The following FCN2 variants were observed in gnomAD, a reference collection of about 807,000 sequenced individuals.
FCN2 encodes ficolin 2, also known as ficolin-2.
A neutral mutation model predicts 32.5 loss-of-function variants in FCN2; 31 were observed. That is an observed-to-expected ratio of 0.96 (90% CI 0.72 to 1.29). The LOEUF is 1.29. Among genes scored for constraint, FCN2 ranks in the 50% most tolerant of loss-of-function variants. The probability of loss-of-function intolerance (pLI) is 0.00; values close to 1 mark genes in which losing one functional copy is unlikely to be tolerated. For missense variants in FCN2, 412 were observed against 406.5 expected, an observed-to-expected ratio of 1.01 and a Z score of -0.12; for synonymous variants, 181 against 164.5, an observed-to-expected ratio of 1.10 and a Z score of -0.77.
chr9:134,871,497 C>T, the FCN2 span, among the ~76,000 whole-genome samples: 1 of 152,358 alleles, frequency 6.6e-6, no homozygotes, highest in East Asian at 1.9e-4. Flanking sequence ...GTGCTCACTC[C>T]CCTGTGACCG....
In FCN2 at chr9:134,887,294, A is replaced by G. The variant is rs1313308185; in HGVS notation, c.821A>G (p.Asn274Ser). 1 of 1,614,192 alleles carries G rather than the reference A, an allele frequency of 6.2e-7. No individual in the cohort carries two copies. Among genetic ancestry groups the G allele is most frequent in the Admixed American group, 1.7e-5 (1 of 60,026 alleles). Reference protein sequence around the residue: ...AWWYKNCHVSNLNGRYLRGTH... With the variant: ...AWWYKNCHVSSLNGRYLRGTH... Reference sequence around the variant, plus strand: ...TGGTACAAAAACTGCCATGTGTCAAACCTGAATGGTCGCTACCTCAGGGGG... The same window carrying G: ...TGGTACAAAAACTGCCATGTGTCAAGCCTGAATGGTCGCTACCTCAGGGGG... Residue 274 changes from asparagine to serine, a missense_variant, in exon 8 of 8, where the codon AAC (asparagine) becomes AGC (serine). Physicochemically the swap from Asn to Ser is conservative, Grantham distance 46. Coordinates refer to ENST00000291744, the MANE Select transcript of FCN2 (RefSeq NM_004108.3).
the FCN2 span, among the ~76,000 whole-genome samples, chr9:134,875,792 T>C: frequency 6.6e-6 from 1 of 152,230 alleles, no homozygotes; most frequent in African/African-American, 2.4e-5. Context: ...CGGATGAGAC[T>C]ATAGCCCTGT....
rs144290442 is a variant in FCN2 at position 134,883,312 on chromosome 9, C to T, written c.225C>T (p.Gly75=). ...AGTNGKRGER[G]PPGPPGKAGP... is the part of the protein sequence containing the mutation. ...CTTTGGAAATTGCAGGAGAACGTGG[C>T]CCCCCTGGACCTCCTGGGAAGGCAG... is the stretch of plus-strand genomic sequence containing the variant. Residue 75 remains glycine (G), a synonymous_variant, in exon 3 of 8, where the codon GGC becomes GGT. Transcript: ENST00000291744. 9.8e-5 allele frequency: 158 copies of T among 1,612,050 alleles called. No individual in the cohort carries two copies. Among genetic ancestry groups the T allele is most frequent in the Non-Finnish European group, 1.3e-4 (149 of 1,178,408 alleles).
the FCN2 span, among the ~76,000 whole-genome samples, chr9:134,871,282 C>T: frequency 5.3e-5 from 8 of 152,254 alleles, no homozygotes; most frequent in East Asian, 3.9e-4. Context: ...GTGTGGTTTT[C>T]GGGGCCTGTG....
the FCN2 span, among the ~76,000 whole-genome samples, chr9:134,864,206 CA>C: frequency 6.6e-6 from 1 of 152,222 alleles, no homozygotes; most frequent in Non-Finnish European, 1.5e-5. Flanking sequence ...AGATTCTCTG[CA>C]AGAGATTTCC....
At chr9:134,878,995 A>C (rs904978413), upstream of FCN2, among the ~76,000 whole-genome samples, 1 of 152,256 alleles carries the variant, frequency 6.6e-6, no homozygotes, top group African/African-American at 2.4e-5. Context: ...AAACACCTTC[A>C]AACATTGTTA....
the FCN2 span, among the ~76,000 whole-genome samples, chr9:134,869,900 G>T: frequency 6.6e-6 from 1 of 152,116 alleles, no homozygotes; most frequent in African/African-American, 2.4e-5. Context: ...CTGTCTGCAA[G>T]CACCCATAGC....
chr9:134,872,327 G>T, the FCN2 span, among the ~76,000 whole-genome samples: 1 of 152,216 alleles, frequency 6.6e-6, no homozygotes, highest in Admixed American at 6.5e-5. Context: ...TATCCATTCA[G>T]GTGTTGATGG....
chr9:134,865,134 C>T, the FCN2 span, among the ~76,000 whole-genome samples: 9 of 152,354 alleles, frequency 5.9e-5, no homozygotes, highest in African/African-American at 2.2e-4. Flanking sequence ...GGAATTTGGC[C>T]TGGGATGTGC....
chr9:134,882,572 C>T lies in FCN2; in HGVS notation c.147C>T (p.Leu49=). ...GLEGSDKLTI[L]RGCPGLPGAP... Reference sequence around the variant, plus strand: ...AGGGCTCTGACAAGCTCACCATTCTCCGAGGCTGTCCGGGGCTGCCTGGGG... The same window carrying T: ...AGGGCTCTGACAAGCTCACCATTCTTCGAGGCTGTCCGGGGCTGCCTGGGG... The change falls in exon 2 of 8, where the codon CTC becomes CTT. Residue 49 remains leucine (L), a synonymous_variant. Transcript: ENST00000291744. 6.2e-7 allele frequency: 1 copy of T among 1,614,184 alleles called. No homozygotes were observed. Among genetic ancestry groups the T allele is most frequent in the Non-Finnish European group, 8.5e-7 (1 of 1,180,026 alleles).
the FCN2 span, among the ~76,000 whole-genome samples, chr9:134,867,729 G>A: frequency 2.7e-5 from 4 of 150,170 alleles, no homozygotes; most frequent in Admixed American, 6.6e-5. Context: ...CTGGCTCTGT[G>A]TCCTTGGACC....
the FCN2 span, among the ~76,000 whole-genome samples, chr9:134,865,317 C>T: frequency 3.3e-5 from 5 of 152,294 alleles, no homozygotes; most frequent in South Asian, 2.1e-4. Context: ...TGCTGGAGTA[C>T]GTTGCTCTGA....
intron 2 of FCN2, 51 bp downstream of exon 2, chr9:134,882,690 G>A (rs763240175): frequency 6.8e-6 from 9 of 1,320,720 alleles, no homozygotes; most frequent in Admixed American, 1.7e-5. Context: ...TTTGAAACCA[G>A]ATGCTGAGTT....
intron 6 of FCN2, among the ~76,000 whole-genome samples, chr9:134,886,165 G>A (rs549828839): frequency 6.6e-6 from 1 of 152,280 alleles, no homozygotes; most frequent in South Asian, 2.1e-4. Context: ...GGGGAAGGAG[G>A]GACACAGTGG....
At chr9:134,881,512 C>T (rs1336581382) in intron 1 of FCN2, among the ~76,000 whole-genome samples, 2 of 152,256 alleles carry the variant, frequency 1.3e-5, no homozygotes, top group Admixed American at 6.5e-5. Context: ...CCATGGGCTC[C>T]GGCGCATGCG....
the FCN2 span, among the ~76,000 whole-genome samples, chr9:134,870,095 C>T: frequency 3.9e-5 from 6 of 152,206 alleles, no homozygotes; most frequent in African/African-American, 1.4e-4. The surrounding 1 kb of genome is among the most constrained non-coding windows in gnomAD (Gnocchi z 4.3). Context: ...GGTTCCTCTG[C>T]CCAAGGGGCA....
rs189079787 is a variant in FCN2, at chr9:134,883,184, G to A, written c.215-118G>A. On this transcript the variant is annotated intron_variant, in intron 2 of 7. Transcript: ENST00000291744. ...CAAGCCTGGGCGGGGCCACAGTCAC[G>A]TCGTAGCACGAGCAGGGTCATGGTC... 5.7e-5 allele frequency: 52 copies of A among 913,608 alleles called. 1 individual carries two copies. The East Asian group carries it at 6.5e-4, about 11-fold the overall frequency. 56.6% of individuals were successfully genotyped at this position (913,608 alleles called of 1,614,324 possible).
the FCN2 span, among the ~76,000 whole-genome samples, chr9:134,875,797 C>T: frequency 7.8e-3 from 1,193 of 152,294 alleles, 10 homozygotes; most frequent in Non-Finnish European, 0.013. Context: ...GAGACTATAG[C>T]CCTGTCTGAT....
chr9:134,886,329 T>A, intron 6 of FCN2, 101 bp from the exon 7 acceptor site: 1 of 1,392,970 alleles, frequency 7.2e-7, no homozygotes, highest in Admixed American at 1.7e-5. Flanking sequence ...TCTGCCTCCA[T>A]GGAGTCCAGA....
Sources: gnomAD v4.1 joint callset for allele counts (sites outside exome capture counted in the v4.1 genomes callset) on GRCh38, gnomAD v4.1.1 for gene constraint, Gnocchi (gnomAD v3.1) non-coding constraint, MANE v1.5 for transcripts, NCBI Gene and HGNC (gene_info 2026-07-23, HGNC 2026-07-21) for gene names.